PDE4B: variants seen among roughly 807,000 people sequenced by gnomAD.
The protein encoded by PDE4B is phosphodiesterase 4B.
A neutral mutation model predicts 82.2 loss-of-function variants in PDE4B; 20 were observed. The observed-to-expected ratio is 0.24, with a 90% CI of 0.17 to 0.35. The LOEUF is 0.35. Among genes scored for constraint, PDE4B ranks in the 10% least tolerant of loss-of-function variants. The pLI, the probability that PDE4B is intolerant of heterozygous loss-of-function variation, is 1.00. For synonymous variants in PDE4B, 320 were observed against 318.9 expected (o/e 1.00, Z -0.04); for missense variants, 655 against 907.2 (o/e 0.72, Z 3.57).
chr1:65,851,457 T>C (rs899181381), intron 1 of PDE4B, among the ~76,000 whole-genome samples: 6 of 152,106 alleles, frequency 3.9e-5, no homozygotes, highest in Non-Finnish European at 5.9e-5. Flanking sequence ...CTTAGTCTTA[T>C]GATTAATGAA....
chr1:66,365,451 T>C (rs1462712880), intron 12 of PDE4B, among the ~76,000 whole-genome samples: 2 of 152,188 alleles, frequency 1.3e-5, no homozygotes, highest in African/African-American at 4.8e-5. Context: ...CCTTTAGGCT[T>C]GATGTGAGAT....
At chr1:65,892,564 C>T (rs1646863545) in intron 1 of PDE4B, among the ~76,000 whole-genome samples, 1 of 152,082 alleles carries the variant, frequency 6.6e-6, no homozygotes, top group Admixed American at 6.6e-5. Flanking sequence ...CTTCTCTCCA[C>T]TTAAAAGCGT....
chr1:66,296,735 A>C (rs1295759593), intron 7 of PDE4B, among the ~76,000 whole-genome samples: 1 of 152,152 alleles, frequency 6.6e-6, no homozygotes, highest in Non-Finnish European at 1.5e-5. Flanking sequence ...TTGTTGAATC[A>C]ATGAATATTT....
intron 3 of PDE4B, among the ~76,000 whole-genome samples, chr1:66,213,167 A>C (rs1452818909): frequency 6.6e-6 from 1 of 152,202 alleles, no homozygotes; most frequent in African/African-American, 2.4e-5. Flanking sequence ...TTTCTAAGGA[A>C]GCTGTAGGAA....
chr1:66,103,351 A>G (rs1645264368), intron 3 of PDE4B, among the ~76,000 whole-genome samples: 2 of 152,080 alleles, frequency 1.3e-5, no homozygotes, highest in Admixed American at 6.6e-5. Context: ...GAACTTTACA[A>G]TATTTGTCCT....
At chr1:66,115,602 T>C (rs935185116) in intron 3 of PDE4B, among the ~76,000 whole-genome samples, 1 of 152,246 alleles carries the variant, frequency 6.6e-6, no homozygotes, top group Non-Finnish European at 1.5e-5. Flanking sequence ...ATATAGAATA[T>C]AGAATGCCAG....
intron 3 of PDE4B, among the ~76,000 whole-genome samples, chr1:66,085,227 G>C (rs889728521): frequency 6.6e-6 from 1 of 152,132 alleles, no homozygotes; most frequent in South Asian, 2.1e-4. Flanking sequence ...AAGTGCTTCT[G>C]ATGTAGACTA....
intron 7 of PDE4B, among the ~76,000 whole-genome samples, chr1:66,307,106 A>G (rs967985323): frequency 6.6e-6 from 1 of 152,018 alleles, no homozygotes; most frequent in Admixed American, 6.6e-5. Flanking sequence ...TGAGAGAGAA[A>G]GAGAGGGAGA....
At chr1:66,362,098 C>G (rs973343232) in intron 10 of PDE4B, among the ~76,000 whole-genome samples, 3 of 151,870 alleles carry the variant, frequency 2.0e-5, no homozygotes, top group African/African-American at 7.3e-5. Flanking sequence ...CAAAGAACCA[C>G]TTTTTTTTGT....
At chr1:65,972,096 T>C (rs1391562822) in intron 3 of PDE4B, among the ~76,000 whole-genome samples, 3 of 152,220 alleles carry the variant, frequency 2.0e-5, no homozygotes, top group African/African-American at 7.2e-5. Flanking sequence ...ATATTATGAC[T>C]GTGCATTTAT....
chr1:65,886,229 T>A lies in PDE4B; in HGVS notation c.-70-27016T>A. ...CTAGAAAATATTATACAAACTATTA[T>A]TTTTTCATCTTTCAATTTTCTAATT... On this transcript the variant is annotated intron_variant, in intron 1 of 16. Coordinates refer to ENST00000341517, the MANE Select transcript of PDE4B (RefSeq NM_002600.4). Among the ~76,000 whole-genome samples, 3 of 152,240 alleles carry A rather than the reference T, an allele frequency of 2.0e-5. No individual in the cohort carries two copies. In the South Asian group the frequency reaches 6.2e-4, roughly 32 times the overall value.
At chr1:66,260,312 CT>C (rs2101712441) in intron 6 of PDE4B, among the ~76,000 whole-genome samples, 1 of 152,280 alleles carries the variant, frequency 6.6e-6, no homozygotes, top group East Asian at 1.9e-4. Context: ...CTGCAGTGCT[CT>C]TTTCATTTGC....
chr1:66,209,737 T>G (rs1332231332), intron 3 of PDE4B, among the ~76,000 whole-genome samples: 1 of 152,194 alleles, frequency 6.6e-6, no homozygotes, highest in Admixed American at 6.5e-5. Flanking sequence ...TGTAGACTAG[T>G]TTTTCCAATT....
At chr1:66,192,807 T>C (rs544693840) in intron 3 of PDE4B, among the ~76,000 whole-genome samples, 127 of 152,206 alleles carry the variant, frequency 8.3e-4, no homozygotes, top group African/African-American at 2.9e-3. Flanking sequence ...ATAATAATAA[T>C]AGCAGGAGCA....
chr1:65,860,302 G>A (rs962596675), intron 1 of PDE4B, among the ~76,000 whole-genome samples: 2 of 152,158 alleles, frequency 1.3e-5, no homozygotes, highest in African/African-American at 4.8e-5. Context: ...GCAGTGTTTA[G>A]TTTTCTGTTC....
intron 7 of PDE4B, among the ~76,000 whole-genome samples, chr1:66,330,512 A>G (rs937593867): frequency 2.0e-5 from 3 of 152,186 alleles, no homozygotes; most frequent in African/African-American, 4.8e-5. Context: ...ATATCAGTGG[A>G]TTCAAAAGGC....
chr1:66,326,232 A>C (rs1659744009), intron 7 of PDE4B, among the ~76,000 whole-genome samples: 1 of 152,218 alleles, frequency 6.6e-6, no homozygotes, highest in Admixed American at 6.5e-5. Context: ...GAAAGCCTAC[A>C]TGGACAACCA....
chr1:66,174,040 G>T (rs966977466), intron 3 of PDE4B, among the ~76,000 whole-genome samples: 5 of 152,178 alleles, frequency 3.3e-5, no homozygotes, highest in African/African-American at 9.7e-5. Flanking sequence ...GCCTGCCTTG[G>T]CCTCCCAAAG....
At chr1:66,148,221 G>C (rs1259659759) in intron 3 of PDE4B, among the ~76,000 whole-genome samples, 2 of 152,142 alleles carry the variant, frequency 1.3e-5, no homozygotes, top group African/African-American at 4.8e-5. Context: ...AGTGAGCCCA[G>C]ATTGCACCAC....
Sources: gnomAD v4.1 joint callset for allele counts (sites outside exome capture counted in the v4.1 genomes callset) on GRCh38, gnomAD v4.1.1 for gene constraint, MANE v1.5 for transcripts, NCBI Gene and HGNC (gene_info 2026-07-23, HGNC 2026-07-21) for gene names.